PTPRJ: variants seen among roughly 807,000 people sequenced by gnomAD.
PTPRJ encodes receptor-type tyrosine-protein phosphatase eta.
Under a neutral mutation model 141.3 loss-of-function variants are expected in PTPRJ, and 129 were observed. The ratio of observed to expected loss-of-function variants is 0.91; its 90% CI spans 0.79 to 1.06. The LOEUF is 1.06. PTPRJ is among the 50% of genes least tolerant of loss of function. PTPRJ has a pLI of 0.00. For missense variants in PTPRJ, 1,601 were observed against 1,679.7 expected, an observed-to-expected ratio of 0.95 and a Z score of 0.82; for synonymous variants, 610 against 640.5, an observed-to-expected ratio of 0.95 and a Z score of 0.72.
At chr11:48,068,622 A>G (rs538758893) in intron 1 of PTPRJ, among the ~76,000 whole-genome samples, 1 of 152,342 alleles carries the variant, frequency 6.6e-6, no homozygotes. Context: ...GAACAGACTA[A>G]TACAGACATG....
intron 1 of PTPRJ, among the ~76,000 whole-genome samples, chr11:48,085,249 A>G (rs776115355): frequency 3.8e-5 from 4 of 105,480 alleles, no homozygotes; most frequent in Middle Eastern, 5.3e-3. Flanking sequence ...AAATAATGCT[A>G]TCTCTCTCAC....
intron 1 of PTPRJ, among the ~76,000 whole-genome samples, chr11:48,038,681 G>A (rs567755539): frequency 4.6e-5 from 7 of 151,222 alleles, no homozygotes; most frequent in Non-Finnish European, 8.8e-5. Context: ...TAGTAGAGAC[G>A]GGGTTTCACC....
intron 1 of PTPRJ, among the ~76,000 whole-genome samples, chr11:48,061,458 G>A (rs942616709): frequency 6.6e-6 from 1 of 152,226 alleles, no homozygotes; most frequent in African/African-American, 2.4e-5. Flanking sequence ...AGGTGCTGCA[G>A]TAATGGTTCT....
At chr11:48,040,688 G>A (rs111945648) in intron 1 of PTPRJ, among the ~76,000 whole-genome samples, 3,030 of 147,478 alleles carry the variant, frequency 0.021, 100 homozygotes, top group African/African-American at 0.073. Context: ...TGCAACCTCC[G>A]CCTCCTGGGT....
intron 1 of PTPRJ, among the ~76,000 whole-genome samples, chr11:48,058,560 C>G (rs547826287): frequency 1.3e-5 from 2 of 152,232 alleles, no homozygotes; most frequent in African/African-American, 2.4e-5. Context: ...TTCAGTCCAT[C>G]TGCCAGTCTG....
rs188955563 is a variant in PTPRJ at position 48,106,824 on chromosome 11, A to G, written c.97-3234A>G. ...CACTCTGTTGCCCAGGCTGGAGTGC[A>G]GTGGCGCGATCTCAGCTCACTGCAA... On this transcript the variant is annotated intron_variant, in intron 1 of 24. Coordinates refer to ENST00000418331, the MANE Select transcript of PTPRJ (RefSeq NM_002843.4). Among the ~76,000 whole-genome samples, 622 of 129,584 alleles carry G rather than the reference A, an allele frequency of 4.8e-3. 4 individuals carry two copies. The highest frequency in any genetic ancestry group is 0.018 in the African/African-American group (597 of 32,864). 85.0% of individuals were successfully genotyped at this position (129,584 alleles called of 152,430 possible).
At chr11:48,149,523 C>A in intron 16 of PTPRJ, 35 bp downstream of exon 16, 2 of 1,334,998 alleles carry the variant, frequency 1.5e-6, no homozygotes, top group Non-Finnish European at 2.1e-6. Context: ...TATTTTAAAT[C>A]CTCCAATCTG....
At chr11:48,149,633 G>T (rs1306966930) in intron 16 of PTPRJ, 145 bp downstream of exon 16, 14 of 592,442 alleles carry the variant, frequency 2.4e-5, no homozygotes, top group Middle Eastern at 4.6e-4. Context: ...TGCTAGCTCT[G>T]TTTTCTGCAA....
At chr11:48,090,166 G>A (rs1022842381) in intron 1 of PTPRJ, among the ~76,000 whole-genome samples, 3 of 152,026 alleles carry the variant, frequency 2.0e-5, no homozygotes, top group South Asian at 2.1e-4. Flanking sequence ...AGCAGCCCTC[G>A]AGGGCAGACA....
chr11:48,074,549 G>A (rs575864358), intron 1 of PTPRJ, among the ~76,000 whole-genome samples: 1 of 152,338 alleles, frequency 6.6e-6, no homozygotes, highest in South Asian at 2.1e-4. Flanking sequence ...GGCAAGGTGT[G>A]TAATCTTTCT....
chr11:48,156,054 C>A lies in PTPRJ; in HGVS notation c.3373C>A (p.Arg1125Ser). 1 of 1,602,594 alleles carries A rather than the reference C, an allele frequency of 6.2e-7. No homozygotes were observed. The highest frequency in any genetic ancestry group is 1.1e-5 in the South Asian group (1 of 90,826). ...ACCGAACACTTTGAAAGATTTTTGG[C>A]GTATGGTTTGGGAGAAAAATGTATA... is the stretch of plus-strand genomic sequence containing the variant. ...PLPNTLKDFW[R>S]MVWEKNVYAI... Residue 1125 changes from arginine (R) to serine (S), a missense_variant, in exon 21 of 25, where the codon CGT becomes AGT. Arg to Ser is a moderately radical substitution (Grantham distance 110). Coordinates refer to ENST00000418331, the MANE Select transcript of PTPRJ (RefSeq NM_002843.4).
At chr11:48,064,461 AC>A (rs1855023877) in intron 1 of PTPRJ, among the ~76,000 whole-genome samples, 1 of 152,198 alleles carries the variant, frequency 6.6e-6, no homozygotes, top group Non-Finnish European at 1.5e-5. Context: ...GGGTCAGCTC[AC>A]CATGGGCTGA....
chr11:48,028,959 G>T, intron 1 of PTPRJ, among the ~76,000 whole-genome samples: 1 of 152,254 alleles, frequency 6.6e-6, no homozygotes, highest in Non-Finnish European at 1.5e-5. Context: ...GTTTGGAAGT[G>T]AATCTGAAGT....
At chr11:48,152,012 G>A (rs553384940) in intron 18 of PTPRJ, among the ~76,000 whole-genome samples, 1 of 152,338 alleles carries the variant, frequency 6.6e-6, no homozygotes, top group African/African-American at 2.4e-5. Context: ...TATCCTTGAG[G>A]AATCACCACA....
At chr11:48,156,498 G>A (rs1409122077) in intron 21 of PTPRJ, among the ~76,000 whole-genome samples, 2 of 151,388 alleles carry the variant, frequency 1.3e-5, no homozygotes, top group African/African-American at 2.4e-5. Context: ...GTCTTCATCT[G>A]TGAGATGAGG....
At chr11:48,060,282 C>T (rs575103338) in intron 1 of PTPRJ, among the ~76,000 whole-genome samples, 15 of 152,222 alleles carry the variant, frequency 9.9e-5, no homozygotes, top group South Asian at 4.1e-4. Context: ...AAAATGTTTT[C>T]GAGATGTCCT....
Position 47,980,995 on chromosome 11 carries a change from T to A in PTPRJ, c.83T>A (p.Leu28Gln). 9.7e-7 allele frequency: 1 copy of A among 1,032,360 alleles called. No homozygotes were observed. Among genetic ancestry groups the A allele is most frequent in the Non-Finnish European group, 1.2e-6 (1 of 845,238 alleles). 63.9% of individuals were successfully genotyped at this position (1,032,360 alleles called of 1,614,324 possible). A position where few individuals can be genotyped will look rare whatever the true frequency, so the allele number is the denominator to read the frequency against. ...GCGCTGCCGCTGCTGCTGCTGCTGC[T>A]GCGCCTGGGCCAGGTAAGCGCCGGG... ...RWALPLLLLLLRLGQILCAGG... is the reference protein window; with the variant it reads ...RWALPLLLLLQRLGQILCAGG... The change falls in exon 1 of 25, where the codon CTG becomes CAG. Residue 28 changes from leucine to glutamine, a missense_variant. Physicochemically the swap from Leu to Gln is moderately radical, Grantham distance 113. Transcript: ENST00000418331.
At chr11:48,061,367 G>T (rs983969012) in intron 1 of PTPRJ, among the ~76,000 whole-genome samples, 1 of 152,206 alleles carries the variant, frequency 6.6e-6, no homozygotes, top group African/African-American at 2.4e-5. Context: ...ATTGCAGGCT[G>T]TTGTCACCGG....
intron 15 of PTPRJ, among the ~76,000 whole-genome samples, chr11:48,147,660 C>T (rs564908563): frequency 1.4e-4 from 21 of 152,234 alleles, no homozygotes; most frequent in Admixed American, 2.6e-4. Context: ...CATGGCACGC[C>T]CTCTTGTCTG....
Sources: allele counts gnomAD v4.1 joint callset (sites outside exome capture counted in the v4.1 genomes callset), GRCh38; gene constraint gnomAD v4.1.1; transcripts MANE v1.5; gene names NCBI Gene and HGNC (gene_info 2026-07-23, HGNC 2026-07-21).